The following ME3 variants were observed in gnomAD, a reference collection of about 807,000 sequenced individuals.
The protein encoded by ME3 is malic enzyme 3.
Under a neutral mutation model 68.9 loss-of-function variants are expected in ME3, and 48 were observed. The observed-to-expected ratio is 0.70, with a 90% CI of 0.55 to 0.89. ME3 has a LOEUF of 0.89. ME3 is among the 40% of genes least tolerant of loss of function. The pLI, the probability that ME3 is intolerant of heterozygous loss-of-function variation, is 0.00. For synonymous variants in ME3, 320 were observed against 318.8 expected (o/e 1.00, Z -0.04); for missense variants, 675 against 797.4 (o/e 0.85, Z 1.85).
chr11:86,587,324 G>A (rs1958797945), intron 2 of ME3, among the ~76,000 whole-genome samples: 1 of 152,202 alleles, frequency 6.6e-6, no homozygotes, highest in Non-Finnish European at 1.5e-5. Flanking sequence ...CATCAGGCCT[G>A]GGCAGGCATG....
intron 6 of ME3, among the ~76,000 whole-genome samples, chr11:86,493,196 A>G (rs942688373): frequency 7.9e-5 from 12 of 152,198 alleles, no homozygotes; most frequent in African/African-American, 1.2e-4. Flanking sequence ...TGGCGATCCA[A>G]TAACATCCAA....
chr11:86,551,292 G>A (rs1313313157), intron 4 of ME3, among the ~76,000 whole-genome samples: 5 of 152,172 alleles, frequency 3.3e-5, no homozygotes, highest in Admixed American at 6.5e-5. Context: ...GCTTGGAGCT[G>A]TGGAGTAGCT....
intron 2 of ME3, among the ~76,000 whole-genome samples, chr11:86,613,693 A>C (rs2044309779): frequency 6.6e-6 from 1 of 152,198 alleles, no homozygotes; most frequent in Non-Finnish European, 1.5e-5. Context: ...CAGAGAGCCA[A>C]ATCATGAATG....
intron 2 of ME3, among the ~76,000 whole-genome samples, chr11:86,583,305 A>G (rs1214801954): frequency 6.6e-6 from 1 of 152,216 alleles, no homozygotes; most frequent in Non-Finnish European, 1.5e-5. Context: ...TATTAGGTTG[A>G]TGCAAAAGTA....
At chr11:86,585,963 T>C (rs1958708787) in intron 2 of ME3, among the ~76,000 whole-genome samples, 1 of 152,146 alleles carries the variant, frequency 6.6e-6, no homozygotes, top group Non-Finnish European at 1.5e-5. Context: ...GGTCAAATCA[T>C]TAGGATGACT....
At chr11:86,615,137 A>T (rs1942867123) in intron 2 of ME3, among the ~76,000 whole-genome samples, 1 of 152,166 alleles carries the variant, frequency 6.6e-6, no homozygotes, top group South Asian at 2.1e-4. Flanking sequence ...TTTATGAACT[A>T]TTCTTCCATC....
intron 2 of ME3, among the ~76,000 whole-genome samples, chr11:86,647,750 C>G (rs898747361): frequency 6.6e-6 from 1 of 152,176 alleles, no homozygotes; most frequent in African/African-American, 2.4e-5. Context: ...CACCCAGATT[C>G]ATAAAGCAAG....
chr11:86,461,321 A>AG (rs998006064), intron 8 of ME3, among the ~76,000 whole-genome samples: 1 of 152,032 alleles, frequency 6.6e-6, no homozygotes, highest in Non-Finnish European at 1.5e-5. Context: ...CCAGTGAGGG[A>AG]GGGGGGGATG....
intron 2 of ME3, among the ~76,000 whole-genome samples, chr11:86,603,659 G>A (rs1372948820): frequency 6.6e-6 from 1 of 151,768 alleles, no homozygotes; most frequent in Middle Eastern, 3.2e-3. Context: ...TGTTTATTGC[G>A]GCACTATTCA....
chr11:86,477,301 T>C (rs770063903), intron 7 of ME3, among the ~76,000 whole-genome samples: 2 of 152,186 alleles, frequency 1.3e-5, no homozygotes, highest in Non-Finnish European at 2.9e-5. Context: ...AGGCTCCCCT[T>C]TCTTAGATGA....
chr11:86,552,594 A>C (rs1956747951), intron 4 of ME3, among the ~76,000 whole-genome samples: 1 of 152,090 alleles, frequency 6.6e-6, no homozygotes, highest in Non-Finnish European at 1.5e-5. Flanking sequence ...TAATTATCCA[A>C]GCACCGCCCC....
chr11:86,542,437 A>G (rs933578349), intron 4 of ME3, among the ~76,000 whole-genome samples: 38 of 152,260 alleles, frequency 2.5e-4, no homozygotes, highest in African/African-American at 9.2e-4. Context: ...GCTAACTAGA[A>G]TAACCATTTA....
intron 4 of ME3, among the ~76,000 whole-genome samples, chr11:86,538,716 C>G (rs10444375): frequency 0.022 from 3,282 of 152,254 alleles, 52 homozygotes; most frequent in Admixed American, 0.034. Flanking sequence ...CCTCTTTAGT[C>G]CTCTTGAGAA....
chr11:86,581,339 A>G (rs1292608671), intron 2 of ME3, among the ~76,000 whole-genome samples: 1 of 152,210 alleles, frequency 6.6e-6, no homozygotes, highest in Non-Finnish European at 1.5e-5. Context: ...ACTGTAGCAT[A>G]GGATAATGAT....
intron 9 of ME3, 47 bp downstream of exon 9, chr11:86,450,254 C>G: frequency 1.3e-6 from 2 of 1,572,128 alleles, no homozygotes; most frequent in East Asian, 2.2e-5. Flanking sequence ...TCCACCCATT[C>G]TTATTCTCTT....
At chr11:86,508,929 A>T in intron 4 of ME3, 62 bp from the exon 5 acceptor site, 1 of 1,321,334 alleles carries the variant, frequency 7.6e-7, no homozygotes, top group Non-Finnish European at 1.1e-6. Flanking sequence ...AACTGAGCAA[A>T]GTCCATAGTA....
At chr11:86,494,253 C>T (rs552415847) in intron 6 of ME3, among the ~76,000 whole-genome samples, 3 of 152,138 alleles carry the variant, frequency 2.0e-5, no homozygotes, top group Non-Finnish European at 2.9e-5. Flanking sequence ...CTGACTTGAT[C>T]CTGAGTGTCC....
At chr11:86,640,255 G>A (rs1348039394) in intron 2 of ME3, among the ~76,000 whole-genome samples, 1 of 152,180 alleles carries the variant, frequency 6.6e-6, no homozygotes, top group Non-Finnish European at 1.5e-5. Flanking sequence ...GTTCAAGCTT[G>A]GTGAAGATCC....
chr11:86,606,297 A>G (rs965300466), intron 2 of ME3, among the ~76,000 whole-genome samples: 2 of 152,100 alleles, frequency 1.3e-5, no homozygotes, highest in Admixed American at 6.5e-5. Flanking sequence ...CATGTACACT[A>G]TTTCCCTCCT....
Sources: gnomAD v4.1 joint callset for allele counts (sites outside exome capture counted in the v4.1 genomes callset) on GRCh38, gnomAD v4.1.1 for gene constraint, MANE v1.5 for transcripts, NCBI Gene and HGNC (gene_info 2026-07-23, HGNC 2026-07-21) for gene names.